BMPR1A: variants seen among roughly 807,000 people sequenced by gnomAD.
BMPR1A encodes bone morphogenetic protein receptor type-1A.
Under a neutral mutation model 66.0 loss-of-function variants are expected in BMPR1A, and 7 were observed. The observed-to-expected ratio is 0.11, with a 90% CI of 0.06 to 0.20. The LOEUF is 0.20. Ranked by LOEUF, BMPR1A falls within the 10% of genes least tolerant of loss-of-function variation. BMPR1A has a pLI of 1.00. For synonymous variants in BMPR1A, 200 were observed against 229.7 expected, an observed-to-expected ratio of 0.87 and a Z score of 1.17; for missense variants, 408 against 669.1, an observed-to-expected ratio of 0.61 and a Z score of 4.31.
chr10:86,907,854 T>G (rs957791205), intron 7 of BMPR1A, among the ~76,000 whole-genome samples: 1 of 152,054 alleles, frequency 6.6e-6, no homozygotes, highest in Non-Finnish European at 1.5e-5. Flanking sequence ...GAAGAGAGGT[T>G]GATTAAGGGG....
chr10:86,800,333 G>A (rs527974682), intron 1 of BMPR1A, among the ~76,000 whole-genome samples: 2 of 152,220 alleles, frequency 1.3e-5, no homozygotes, highest in East Asian at 1.9e-4. Context: ...GTGAGCCGAG[G>A]GGGGAGTGAT....
intron 2 of BMPR1A, among the ~76,000 whole-genome samples, chr10:86,860,841 C>CTTTT (rs1219747565): frequency 7.4e-6 from 1 of 135,080 alleles, no homozygotes; most frequent in African/African-American, 2.7e-5. Flanking sequence ...TGCCATAGAA[C>CTTTT]TTTTTTTTTT....
At chr10:86,878,008 A>G (rs1431610028) in intron 3 of BMPR1A, among the ~76,000 whole-genome samples, 1 of 152,212 alleles carries the variant, frequency 6.6e-6, no homozygotes, top group African/African-American at 2.4e-5. Context: ...AATTTGTTAC[A>G]TTTCCTTTCA....
At position 86,804,193 on chromosome 10, in the gene BMPR1A, C is replaced by T. The variant is rs1055375042; in HGVS notation, c.-267-34672C>T. ...TGCTAAATCAGTTTTAATATATTCACAATTGGGACTTAGTAATATATGGGT... is the reference window on the plus strand; with the variant it reads ...TGCTAAATCAGTTTTAATATATTCATAATTGGGACTTAGTAATATATGGGT... On this transcript the variant is annotated intron_variant, in intron 1 of 12. Transcript: ENST00000372037. 2.0e-5 allele frequency among the ~76,000 whole-genome samples: 3 copies of T among 152,122 alleles called. No individual in the cohort carries two copies. The East Asian group carries it at 5.8e-4, about 29-fold the overall frequency.
chr10:86,868,663 T>C (rs953244873), intron 2 of BMPR1A, among the ~76,000 whole-genome samples: 2 of 152,136 alleles, frequency 1.3e-5, no homozygotes, highest in Non-Finnish European at 2.9e-5. Flanking sequence ...TTGTTGGAAA[T>C]TCCCAAACTT....
intron 1 of BMPR1A, among the ~76,000 whole-genome samples, chr10:86,796,467 A>G (rs1435572783): frequency 2.0e-5 from 3 of 151,764 alleles, no homozygotes; most frequent in Admixed American, 2.0e-4. Context: ...AGTAATCAGA[A>G]TTATATCACA....
At chr10:86,909,775 T>G (rs368692647) in intron 7 of BMPR1A, among the ~76,000 whole-genome samples, 1 of 152,212 alleles carries the variant, frequency 6.6e-6, no homozygotes, top group East Asian at 1.9e-4. Flanking sequence ...AGATGCTTGA[T>G]AAAATTAAAT....
chr10:86,784,448 G>C (rs540774134), intron 1 of BMPR1A, among the ~76,000 whole-genome samples: 1 of 152,086 alleles, frequency 6.6e-6, no homozygotes, highest in Admixed American at 6.5e-5. Flanking sequence ...TAGGAATAAG[G>C]CTCCCTCAGT....
chr10:86,862,341 C>T (rs896679682), intron 2 of BMPR1A, among the ~76,000 whole-genome samples: 5 of 152,124 alleles, frequency 3.3e-5, no homozygotes, highest in African/African-American at 9.7e-5. Context: ...GGGATCTGCA[C>T]GTGCCAGGGT....
chr10:86,885,526 A>C lies in BMPR1A; in HGVS notation c.68-4536A>C, dbSNP rs561027132. Among the ~76,000 whole-genome samples the C allele has an allele frequency of 3.3e-5, 5 of 152,278 alleles. No individual in the cohort carries two copies. In the South Asian group the frequency reaches 1.0e-3, roughly 32 times the overall value. On this transcript the variant is annotated intron_variant, in intron 3 of 12. Coordinates refer to ENST00000372037, the MANE Select transcript of BMPR1A (RefSeq NM_004329.3). ...AGAAACTGATTTTTAATTTTACTTC[A>C]TTTTAATTCGTCTACATTTTAAGTC... is the stretch of plus-strand genomic sequence containing the variant.
intron 10 of BMPR1A, among the ~76,000 whole-genome samples, chr10:86,920,260 T>TGG (rs1224115876): frequency 2.0e-5 from 3 of 152,358 alleles, no homozygotes; most frequent in Admixed American, 2.0e-4. Flanking sequence ...TTTATACATA[T>TGG]TAAACTATGG....
At chr10:86,761,301 T>C (rs932896153) in intron 1 of BMPR1A, among the ~76,000 whole-genome samples, 2 of 152,262 alleles carry the variant, frequency 1.3e-5, no homozygotes, top group East Asian at 1.9e-4. Context: ...TTTATAGTTT[T>C]ATATTTCTGA....
At chr10:86,855,570 A>T in intron 2 of BMPR1A, 3 of 534,454 alleles carry the variant, frequency 5.6e-6, no homozygotes, top group Non-Finnish European at 1.0e-5. Flanking sequence ...TTTTTGAAAT[A>T]GTACTTTTCA....
At position 86,767,795 on chromosome 10, in the gene BMPR1A, T is replaced by G. The variant is rs183921454; in HGVS notation, c.-268+10876T>G. On this transcript the variant is annotated intron_variant, in intron 1 of 12. Transcript: ENST00000372037. The stretch of plus-strand genomic sequence containing the variant: ...CCCAAAGAACTCAATTGTCATAACT[T>G]CCAGTTGTCATAAATCCCTTCCTTG... 2.0e-5 allele frequency among the ~76,000 whole-genome samples: 3 copies of G among 152,288 alleles called. 1 individual carries two copies. Among genetic ancestry groups the G allele is most frequent in the African/African-American group, 7.2e-5 (3 of 41,552 alleles).
chr10:86,903,088 C>G (rs746127334), intron 7 of BMPR1A, among the ~76,000 whole-genome samples: 1 of 151,994 alleles, frequency 6.6e-6, no homozygotes, highest in Non-Finnish European at 1.5e-5. Flanking sequence ...AGAACAAACT[C>G]AACAGTATTT....
intron 1 of BMPR1A, among the ~76,000 whole-genome samples, chr10:86,802,258 G>T (rs1226987460): frequency 6.6e-6 from 1 of 152,176 alleles, no homozygotes; most frequent in African/African-American, 2.4e-5. Context: ...TGAGGATGGT[G>T]TCTTGTTGGC....
intron 1 of BMPR1A, among the ~76,000 whole-genome samples, chr10:86,796,042 C>T (rs1477504286): frequency 2.0e-5 from 3 of 152,092 alleles, no homozygotes; most frequent in Non-Finnish European, 1.5e-5. Context: ...TTCTTTTGTT[C>T]TGTTTCCTTG....
chr10:86,888,164 T>C (rs942670413), intron 3 of BMPR1A, among the ~76,000 whole-genome samples: 3 of 150,878 alleles, frequency 2.0e-5, no homozygotes, highest in African/African-American at 7.4e-5. Flanking sequence ...TTTTTTTTTT[T>C]TAAGTGTTTT....
chr10:86,905,628 G>C (rs144583171), intron 7 of BMPR1A, among the ~76,000 whole-genome samples: 3 of 152,080 alleles, frequency 2.0e-5, no homozygotes, highest in East Asian at 3.9e-4. Flanking sequence ...GTTGATGTTT[G>C]CCAGCCACCT....
Sources: allele counts gnomAD v4.1 joint callset (sites outside exome capture counted in the v4.1 genomes callset), GRCh38; gene constraint gnomAD v4.1.1; transcripts MANE v1.5; gene names NCBI Gene and HGNC (gene_info 2026-07-23, HGNC 2026-07-21).